The following NAV2 variants were observed in gnomAD, a reference collection of about 807,000 sequenced individuals.
The protein encoded by NAV2 is neuron navigator 2.
In NAV2, 54 loss-of-function variants were observed where a neutral mutation model predicts 223.2. The ratio of observed to expected loss-of-function variants is 0.24; its 90% CI spans 0.19 to 0.30. The LOEUF (loss-of-function observed/expected upper bound fraction) is 0.30. NAV2 is among the 10% of genes least tolerant of loss of function. The pLI is 1.00. For missense variants in NAV2, 2,806 were observed against 3,147.5 expected (o/e 0.89, Z 2.60); for synonymous variants, 1,279 against 1,239.3 (o/e 1.03, Z -0.67).
chr11:20,013,259 G>A (rs2053720185), intron 11 of NAV2, among the ~76,000 whole-genome samples: 1 of 152,180 alleles, frequency 6.6e-6, no homozygotes, highest in African/African-American at 2.4e-5. Flanking sequence ...TAGAGTCTCT[G>A]GCGCGCTGTT....
At chr11:19,748,262 C>A (rs911537439) in intron 1 of NAV2, among the ~76,000 whole-genome samples, 1 of 152,184 alleles carries the variant, frequency 6.6e-6, no homozygotes, top group Non-Finnish European at 1.5e-5. Flanking sequence ...ACCTGTTTAC[C>A]CACATTTTAC....
At chr11:19,428,949 T>A (rs1850940409) in intron 1 of NAV2, among the ~76,000 whole-genome samples, 1 of 152,208 alleles carries the variant, frequency 6.6e-6, no homozygotes, top group Admixed American at 6.5e-5. Context: ...TAGAAACGCC[T>A]TCCTGCTAGC....
At chr11:19,833,374 A>G (rs1328528753) in intron 2 of NAV2, among the ~76,000 whole-genome samples, 1 of 152,214 alleles carries the variant, frequency 6.6e-6, no homozygotes, top group Non-Finnish European at 1.5e-5. Context: ...CTTACCCTTC[A>G]AGTGTGAGAA....
chr11:19,936,842 T>C (rs1021312064), intron 7 of NAV2, among the ~76,000 whole-genome samples: 2 of 152,082 alleles, frequency 1.3e-5, no homozygotes, highest in African/African-American at 4.8e-5. Context: ...GGCTCATGTT[T>C]AAAACCAGGT....
intron 1 of NAV2, among the ~76,000 whole-genome samples, chr11:19,674,142 C>T (rs369096241): frequency 2.0e-5 from 3 of 152,328 alleles, no homozygotes; most frequent in East Asian, 3.9e-4. Context: ...TATTCCTCTG[C>T]GCTCTCTCCT....
At chr11:19,527,120 C>T (rs147407188) in intron 1 of NAV2, among the ~76,000 whole-genome samples, 87 of 152,006 alleles carry the variant, frequency 5.7e-4, no homozygotes, top group Non-Finnish European at 1.0e-3. Context: ...AATTGTAGCT[C>T]TCATAATTCC....
chr11:19,586,128 T>C (rs2045890662), intron 1 of NAV2, among the ~76,000 whole-genome samples: 1 of 152,222 alleles, frequency 6.6e-6, no homozygotes, highest in Admixed American at 6.5e-5. Context: ...ATTTCATTCA[T>C]TTATCTTCCA....
At chr11:20,038,473 A>G (rs1040213126) in intron 12 of NAV2, among the ~76,000 whole-genome samples, 2 of 152,258 alleles carry the variant, frequency 1.3e-5, no homozygotes, top group African/African-American at 4.8e-5. Context: ...ATGGATTTTT[A>G]GTGACATTCC....
chr11:19,611,515 G>C (rs920950920), intron 1 of NAV2, among the ~76,000 whole-genome samples: 2 of 152,126 alleles, frequency 1.3e-5, no homozygotes, highest in African/African-American at 4.8e-5. Context: ...AGATACAATG[G>C]GGGTACAGGT....
intron 1 of NAV2, among the ~76,000 whole-genome samples, chr11:19,556,991 T>G (rs1046530619): frequency 6.6e-6 from 1 of 152,258 alleles, no homozygotes; most frequent in South Asian, 2.1e-4. Flanking sequence ...GTTTTTTACT[T>G]CTTTCTCTTT....
At chr11:19,862,099 A>G (rs2061826716) in intron 3 of NAV2, among the ~76,000 whole-genome samples, 1 of 152,256 alleles carries the variant, frequency 6.6e-6, no homozygotes, top group African/African-American at 2.4e-5. Flanking sequence ...AAAGATAGTC[A>G]CTGGAGGAAT....
Position 19,467,345 on chromosome 11 carries a change from A to G in NAV2, c.75+116318A>G, listed in dbSNP as rs114651323. On this transcript the variant is annotated intron_variant, in intron 1 of 37. Coordinates refer to the NAV2 transcript ENST00000360655. ...GGCTGTTTTTAGTTTCTTCAAAATA[A>G]TATTATTTTAATGTACATCTTTGAA... is the stretch of plus-strand genomic sequence containing the variant. 2.4e-3 allele frequency among the ~76,000 whole-genome samples: 359 copies of G among 152,304 alleles called. 5 individuals carry two copies. The highest frequency in any genetic ancestry group is 6.4e-3 in the African/African-American group (264 of 41,568).
At chr11:19,405,982 C>A (rs989529926) in intron 1 of NAV2, among the ~76,000 whole-genome samples, 1 of 152,058 alleles carries the variant, frequency 6.6e-6, no homozygotes, top group Non-Finnish European at 1.5e-5. Context: ...GACAGAGTAG[C>A]AGAAGCATGG....
chr11:19,592,037 A>C (rs1391578465), intron 1 of NAV2, among the ~76,000 whole-genome samples: 1 of 152,228 alleles, frequency 6.6e-6, no homozygotes, highest in African/African-American at 2.4e-5. Flanking sequence ...CCCTCCCAGA[A>C]TAACATCTGC....
chr11:19,535,360 A>G (rs1350443467), intron 1 of NAV2, among the ~76,000 whole-genome samples: 2 of 152,078 alleles, frequency 1.3e-5, no homozygotes, highest in African/African-American at 2.4e-5. Context: ...AGGCCCAACA[A>G]GTAATAGCCT....
At chr11:20,023,038 G>A in intron 11 of NAV2, 1 of 1,548,738 alleles carries the variant, frequency 6.5e-7, no homozygotes, top group Non-Finnish European at 8.7e-7. Flanking sequence ...CTGGCTAAAG[G>A]ACTTGCCATC....
At chr11:19,690,246 G>A (rs1454682372) in intron 1 of NAV2, among the ~76,000 whole-genome samples, 2 of 152,190 alleles carry the variant, frequency 1.3e-5, no homozygotes, top group Non-Finnish European at 2.9e-5. Flanking sequence ...ACAGGTGTGA[G>A]TCACTGCGCC....
chr11:19,782,023 C>T (rs139872975), intron 1 of NAV2, among the ~76,000 whole-genome samples: 14 of 152,264 alleles, frequency 9.2e-5, no homozygotes, highest in Admixed American at 2.0e-4. Context: ...TAGAAAACAA[C>T]GGTCATTTCC....
intron 1 of NAV2, among the ~76,000 whole-genome samples, chr11:19,619,158 T>C (rs2046906475): frequency 1.3e-5 from 2 of 151,508 alleles, no homozygotes; most frequent in Admixed American, 6.6e-5. Flanking sequence ...CAGTCTATCA[T>C]TGATGGGCAT....
Sources: allele counts gnomAD v4.1 joint callset (sites outside exome capture counted in the v4.1 genomes callset), GRCh38; gene constraint gnomAD v4.1.1; transcripts MANE v1.5; gene names NCBI Gene and HGNC (gene_info 2026-07-23, HGNC 2026-07-21).